Variants in CCDC38 observed in about 807,000 individuals in gnomAD.
CCDC38 encodes the protein coiled-coil domain containing 38.
A neutral mutation model predicts 72.8 loss-of-function variants in CCDC38; 69 were observed. The ratio of observed to expected loss-of-function variants is 0.95; its 90% CI spans 0.78 to 1.16. CCDC38 has a LOEUF of 1.16. Among genes scored for constraint, CCDC38 ranks in the 50% most tolerant of loss-of-function variants. The pLI, the probability that CCDC38 is intolerant of heterozygous loss-of-function variation, is 0.00. For synonymous variants in CCDC38, 201 were observed against 213.2 expected (o/e 0.94, Z 0.50); for missense variants, 626 against 638.9 (o/e 0.98, Z 0.22).
chr12:95,882,953 T>A (rs1300041127), intron 10 of CCDC38, among the ~76,000 whole-genome samples: 1 of 152,208 alleles, frequency 6.6e-6, no homozygotes, highest in Non-Finnish European at 1.5e-5. Flanking sequence ...CTTACTGGGT[T>A]CCCAATATTA....
intron 11 of CCDC38, among the ~76,000 whole-genome samples, chr12:95,880,196 A>G (rs2121428287): frequency 6.6e-6 from 1 of 152,314 alleles, no homozygotes; most frequent in East Asian, 1.9e-4. Flanking sequence ...AAGATAAAGT[A>G]TGTGTTACCT....
chr12:95,896,889 C>T (rs1428680557), intron 7 of CCDC38, among the ~76,000 whole-genome samples: 4 of 152,288 alleles, frequency 2.6e-5, no homozygotes, highest in South Asian at 2.1e-4. Flanking sequence ...CTCAACTCGG[C>T]GGCTATTGTG....
chr12:95,916,613 A>T (rs1192096697), intron 4 of CCDC38, among the ~76,000 whole-genome samples: 1 of 151,736 alleles, frequency 6.6e-6, no homozygotes, highest in Non-Finnish European at 1.5e-5. Context: ...TGATAATCAG[A>T]TTGCCTTCTT....
intron 10 of CCDC38, among the ~76,000 whole-genome samples, chr12:95,887,790 T>C (rs890374556): frequency 9.2e-5 from 14 of 152,178 alleles, no homozygotes; most frequent in Non-Finnish European, 2.1e-4. Flanking sequence ...TTTCTTACAA[T>C]TGTACGTGAA....
At chr12:95,929,679 A>G (rs1196196134) in intron 2 of CCDC38, among the ~76,000 whole-genome samples, 1 of 152,232 alleles carries the variant, frequency 6.6e-6, no homozygotes, top group African/African-American at 2.4e-5. Context: ...AGCTGAGTTT[A>G]TTTCAGTTTA....
At chr12:95,906,474 C>T (rs1202127898) in intron 4 of CCDC38, 23 bp from the exon 5 acceptor site, 1 of 1,567,034 alleles carries the variant, frequency 6.4e-7, no homozygotes, top group East Asian at 2.2e-5. Flanking sequence ...TTGAAATAGA[C>T]TTAAGTTTAG....
At position 95,919,057 on chromosome 12, in the gene CCDC38, G is replaced by A. The variant is rs74791228; in HGVS notation, c.38-81C>T. 2.2e-3 allele frequency: 1,899 copies of A among 860,802 alleles called. 25 individuals are homozygous for A. The African/African-American group carries it at 0.03, about 14-fold the overall frequency. 53.3% of individuals were successfully genotyped at this position (860,802 alleles called of 1,614,324 possible). Reference sequence around the variant, plus strand: ...AGAATAGTAAGTCTCCCACCAGCTAGGGTGGAATGAATGGGATGCAGGGAT... The same window carrying A: ...AGAATAGTAAGTCTCCCACCAGCTAAGGTGGAATGAATGGGATGCAGGGAT... On this transcript the variant is annotated intron_variant, in intron 2 of 15. Transcript: ENST00000344280.
intron 8 of CCDC38, among the ~76,000 whole-genome samples, chr12:95,892,200 G>T (rs1485973759): frequency 1.3e-5 from 2 of 149,084 alleles, no homozygotes; most frequent in Admixed American, 6.7e-5. Context: ...GGCTAAGTCT[G>T]GTCCTGGTTA....
chr12:95,870,282 A>C (rs1027129301), intron 14 of CCDC38, among the ~76,000 whole-genome samples: 2 of 152,222 alleles, frequency 1.3e-5, no homozygotes, highest in African/African-American at 4.8e-5. Context: ...AATTGTGAGC[A>C]AGAAATGCTA....
intron 8 of CCDC38, 109 bp downstream of exon 8, chr12:95,894,880 T>C: frequency 1.1e-6 from 1 of 896,956 alleles, no homozygotes; most frequent in South Asian, 1.8e-5. Context: ...GTGAAAATCT[T>C]AGTTTAGATC....
chr12:95,911,549 G>GAAA (rs1320620822), intron 4 of CCDC38, among the ~76,000 whole-genome samples: 2 of 151,982 alleles, frequency 1.3e-5, no homozygotes, highest in East Asian at 3.9e-4. Flanking sequence ...AAATTAACAA[G>GAAA]AAAAAAACAC....
rs1018362912 is a variant in CCDC38, at chr12:95,892,346, A to G, written c.773-1416T>C. On this transcript the variant is annotated intron_variant, in intron 8 of 15. Transcript: ENST00000344280. ...GTTGCCCAGGCTGGAGCGCAGTGGC[A>G]TGATCATGGCTCACTGCAACTTCCT... 3.2e-4 allele frequency among the ~76,000 whole-genome samples: 41 copies of G among 127,372 alleles called. 1 individual carries two copies. The highest frequency in any genetic ancestry group is 3.2e-4 in the Non-Finnish European group (21 of 64,936). The allele number at this position is 127,372 out of a possible 152,430, so 83.6% of individuals were successfully genotyped here. A position where few individuals can be genotyped will look rare whatever the true frequency, so the allele number is the denominator to read the frequency against.
At chr12:95,908,323 G>A (rs1425241593) in intron 4 of CCDC38, among the ~76,000 whole-genome samples, 1 of 150,426 alleles carries the variant, frequency 6.6e-6, no homozygotes, top group African/African-American at 2.4e-5. Context: ...CCAGTCAGGC[G>A]TGGCGGCGCG....
At chr12:95,939,741 G>A (rs1353420815) in intron 1 of CCDC38, among the ~76,000 whole-genome samples, 1 of 152,194 alleles carries the variant, frequency 6.6e-6, no homozygotes, top group Non-Finnish European at 1.5e-5. Flanking sequence ...AATGTATACT[G>A]TTCTTTCAAG....
chr12:95,933,991 T>TTGCAAGGCAAGGTGAGAGAA (rs2080364745), intron 2 of CCDC38: 1 of 152,086 alleles, frequency 6.6e-6, no homozygotes, highest in Admixed American at 6.6e-5. Context: ...CTGGGCAACA[T>TTGCAAGGCAAGGTGAGAGAA]GGCAAGACCT....
intron 13 of CCDC38, 70 bp from the exon 14 acceptor site, chr12:95,872,530 T>A: frequency 2.0e-6 from 2 of 993,378 alleles, no homozygotes; most frequent in Non-Finnish European, 3.1e-6. Flanking sequence ...TTTTACTATA[T>A]TACAGTAAAA....
intron 2 of CCDC38, among the ~76,000 whole-genome samples, chr12:95,929,060 G>A (rs1259295159): frequency 5.9e-5 from 9 of 152,318 alleles, no homozygotes. Context: ...GCTGTGGTGG[G>A]CTCCACCCAG....
chr12:95,890,915 G>C lies in CCDC38; in HGVS notation c.788C>G (p.Ser263Ter). 1 of 1,587,490 alleles carries C rather than the reference G, an allele frequency of 6.3e-7. No homozygotes were observed. The highest frequency in any genetic ancestry group is 8.6e-7 in the Non-Finnish European group (1 of 1,160,090). ...PKILAKLSLHSSNKEGILEES... is the reference protein window; with the variant it reads ...PKILAKLSLH Reference sequence around the variant, plus strand: ...CTCAAGGATGCCTTCCTTGTTACTTGAATGTAATGATAATTCTAGAAATGG... The same window carrying C: ...CTCAAGGATGCCTTCCTTGTTACTTCAATGTAATGATAATTCTAGAAATGG... The change falls in exon 9 of 16, where the codon TCA becomes TGA. Residue 263 changes from serine to a stop codon, truncating the protein, a stop_gained. Coordinates refer to ENST00000344280, the MANE Select transcript of CCDC38 (RefSeq NM_182496.3). LOFTEE classifies it high-confidence loss of function.
chr12:95,929,652 T>G (rs1295349809), intron 2 of CCDC38, among the ~76,000 whole-genome samples: 1 of 152,238 alleles, frequency 6.6e-6, no homozygotes, highest in Non-Finnish European at 1.5e-5. Flanking sequence ...GTGATATTTT[T>G]GTCCCTCCAA....
Sources: allele counts gnomAD v4.1 joint callset (sites outside exome capture counted in the v4.1 genomes callset), GRCh38; gene constraint gnomAD v4.1.1; transcripts MANE v1.5; gene names NCBI Gene and HGNC (gene_info 2026-07-23, HGNC 2026-07-21).